The following MFAP5 variants were observed in gnomAD, a reference collection of about 807,000 sequenced individuals.
The protein encoded by MFAP5 is microfibril associated protein 5.
Under a neutral mutation model 30.1 loss-of-function variants are expected in MFAP5, and 19 were observed. That is an observed-to-expected ratio of 0.63 (90% CI 0.44 to 0.93). The LOEUF (loss-of-function observed/expected upper bound fraction) is 0.93. Ranked by LOEUF, MFAP5 falls within the 40% of genes least tolerant of loss-of-function variation. MFAP5 has a pLI of 0.00. For missense variants in MFAP5, 210 were observed against 221.3 expected, an observed-to-expected ratio of 0.95 and a Z score of 0.32; for synonymous variants, 92 against 72.9, an observed-to-expected ratio of 1.26 and a Z score of -1.33.
intron 6 of MFAP5, among the ~76,000 whole-genome samples, chr12:8,653,314 T>C (rs1000343237): frequency 6.6e-6 from 1 of 152,184 alleles, no homozygotes; most frequent in Non-Finnish European, 1.5e-5. Context: ...CATCTTTTAC[T>C]GGGAACACTG....
At chr12:8,656,573 A>AATATATAT (rs71957081) in intron 3 of MFAP5, among the ~76,000 whole-genome samples, 33 of 128,540 alleles carry the variant, frequency 2.6e-4, no homozygotes, top group African/African-American at 1.1e-3. Flanking sequence ...ATGCCTGGCT[A>AATATATAT]ATATATATAT....
rs71447526 is a variant in MFAP5 at position 8,654,154 on chromosome 12, A to G, written c.217+283T>C. 0.073 allele frequency: 22,833 copies of G among 314,256 alleles called. 1,061 individuals carry two copies. The highest frequency in any genetic ancestry group is 0.084 in the African/African-American group (3,879 of 46,294). The allele number at this position is 314,256 out of a possible 1,614,324, so 19.5% of individuals were successfully genotyped here. ...AAAAAAAAAAAAAAAAAATTCAGTCAAAGCATTACTTCTTCTACCCTTTAT... is the reference window on the plus strand; with the variant it reads ...AAAAAAAAAAAAAAAAAATTCAGTCGAAGCATTACTTCTTCTACCCTTTAT... On this transcript the variant is annotated intron_variant, in intron 6 of 9. Coordinates refer to ENST00000359478, the MANE Select transcript of MFAP5 (RefSeq NM_003480.4).
chr12:8,648,255 C>T (rs1941738986), intron 9 of MFAP5, 52 bp from the exon 10 acceptor site: 1 of 1,463,824 alleles, frequency 6.8e-7, no homozygotes, highest in Non-Finnish European at 9.5e-7. Flanking sequence ...ATAACAAAGG[C>T]TCTTGTTTTA....
intron 9 of MFAP5, chr12:8,648,538 A>T: frequency 7.8e-7 from 1 of 1,287,092 alleles, no homozygotes; most frequent in Non-Finnish European, 1.0e-6. Flanking sequence ...CCAGCTGCCA[A>T]TTCTTCTAAT....
At chr12:8,655,909 G>C in intron 3 of MFAP5, 79 bp from the exon 4 acceptor site, 2 of 1,268,694 alleles carry the variant, frequency 1.6e-6, no homozygotes, top group Non-Finnish European at 2.3e-6. Context: ...GTTAAATTGC[G>C]AAGCATAGTG....
intron 8 of MFAP5, among the ~76,000 whole-genome samples, chr12:8,649,797 C>T (rs1217467961): frequency 6.6e-6 from 1 of 152,110 alleles, no homozygotes; most frequent in African/African-American, 2.4e-5. Flanking sequence ...AATTTTATTT[C>T]AATAGTTTTT....
chr12:8,648,026 G>GGA lies in MFAP5; in HGVS notation c.*63_*64dup, dbSNP rs757585088. 2 of 1,231,614 alleles carry GGA rather than the reference G, an allele frequency of 1.6e-6. No homozygotes were observed. The highest frequency in any genetic ancestry group is 2.4e-6 in the Non-Finnish European group (2 of 847,930). 76.3% of individuals were successfully genotyped at this position (1,231,614 alleles called of 1,614,324 possible). A position where few individuals can be genotyped will look rare whatever the true frequency, so the allele number is the denominator to read the frequency against. ...GTCTAAGGGTTAGCTGTCAATGGTT[G>GGA]GAGAAGAAGGAGATCCTCCTTCCTC... On this transcript the variant is annotated 3_prime_UTR_variant, in exon 10 of 10. Coordinates refer to ENST00000359478, the MANE Select transcript of MFAP5 (RefSeq NM_003480.4).
chr12:8,660,638 A>AAC (rs200888598), intron 3 of MFAP5, among the ~76,000 whole-genome samples: 3 of 152,166 alleles, frequency 2.0e-5, no homozygotes, highest in Admixed American at 2.0e-4. Flanking sequence ...GTAGTTTAAA[A>AAC]ACACACACAC....
At position 8,646,156 on chromosome 12, in the gene MFAP5, A is replaced by ATT. The variant is rs878869663; in HGVS notation, c.*1933_*1934dup. On this transcript the variant is annotated 3_prime_UTR_variant, in exon 10 of 10. Coordinates refer to ENST00000359478, the MANE Select transcript of MFAP5 (RefSeq NM_003480.4). ...TTTCTCTAAAGTGGCTAAAATATGC[A>ATT]TTTAATATGTTGTCTAAATGAGTAC... 13 of 152,774 alleles carry ATT rather than the reference A, an allele frequency of 8.5e-5. No homozygotes were observed. In the South Asian group the frequency reaches 2.5e-3, roughly 29 times the overall value. The allele number at this position is 152,774 out of a possible 1,614,324, so 9.5% of individuals were successfully genotyped here.
chr12:8,648,775 T>C (rs1171547913), intron 9 of MFAP5, among the ~76,000 whole-genome samples: 3 of 152,188 alleles, frequency 2.0e-5, no homozygotes, highest in Non-Finnish European at 4.4e-5. Context: ...CAGCTCTTAC[T>C]CAGGAACTCA....
chr12:8,655,488 GA>G (rs1365777485), intron 4 of MFAP5, 41 bp from the exon 5 acceptor site: 11 of 1,587,508 alleles, frequency 6.9e-6, no homozygotes, highest in African/African-American at 1.4e-5. Flanking sequence ...ATGCAGTCAG[GA>G]AAAGTAGCTA....
chr12:8,649,762 G>T (rs1185937269), intron 8 of MFAP5, among the ~76,000 whole-genome samples, 188 bp from the exon 9 acceptor site: 1 of 152,180 alleles, frequency 6.6e-6, no homozygotes, highest in African/African-American at 2.4e-5. Context: ...GGAGGGAATG[G>T]TATTAATTAC....
intron 5 of MFAP5, 26 bp downstream of exon 5, chr12:8,655,389 T>G: frequency 5.7e-6 from 9 of 1,571,978 alleles, no homozygotes; most frequent in Non-Finnish European, 7.8e-6. Context: ...CCATGCCATT[T>G]TTTTTTTAAC....
At chr12:8,657,063 G>A (rs891309194) in intron 3 of MFAP5, among the ~76,000 whole-genome samples, 3 of 152,206 alleles carry the variant, frequency 2.0e-5, no homozygotes, top group African/African-American at 7.2e-5. Context: ...ATATGGATAT[G>A]TGAATTTGCT....
chr12:8,648,349 C>G, intron 9 of MFAP5, 146 bp from the exon 10 acceptor site: 1 of 896,208 alleles, frequency 1.1e-6, no homozygotes, highest in Admixed American at 3.0e-5. Context: ...CTGCCACTTA[C>G]TTTAGTTATT....
intron 9 of MFAP5, 99 bp downstream of exon 9, chr12:8,649,402 C>G (rs989512688): frequency 2.8e-6 from 3 of 1,060,974 alleles, no homozygotes; most frequent in African/African-American, 1.5e-5. Context: ...TAGCCTGAAG[C>G]CCTCCTCTAG....
At chr12:8,657,103 C>T (rs1018362744) in intron 3 of MFAP5, among the ~76,000 whole-genome samples, 1 of 152,134 alleles carries the variant, frequency 6.6e-6, no homozygotes, top group Non-Finnish European at 1.5e-5. Flanking sequence ...ACTTTATACA[C>T]ATCTATCAAA....
At chr12:8,650,259 AC>A (rs1214228145) in intron 8 of MFAP5, 8 of 494,216 alleles carry the variant, frequency 1.6e-5, no homozygotes, top group Non-Finnish European at 2.2e-5. Context: ...TTCCCTCATG[AC>A]CCTTCTTCCT....
At chr12:8,657,594 G>C (rs1317881328) in intron 3 of MFAP5, among the ~76,000 whole-genome samples, 2 of 143,428 alleles carry the variant, frequency 1.4e-5, no homozygotes, top group Non-Finnish European at 3.0e-5. Flanking sequence ...TTTTGAGACG[G>C]AGTCTCGCCC....
Sources: gnomAD v4.1 joint callset for allele counts (sites outside exome capture counted in the v4.1 genomes callset) on GRCh38, gnomAD v4.1.1 for gene constraint, MANE v1.5 for transcripts, NCBI Gene and HGNC (gene_info 2026-07-23, HGNC 2026-07-21) for gene names.